Variants in ANKS1B observed in about 807,000 individuals in gnomAD.
ANKS1B encodes the protein ankyrin repeat and sterile alpha motif domain-containing protein 1B.
Under a neutral mutation model 148.3 loss-of-function variants are expected in ANKS1B, and 36 were observed. That is an observed-to-expected ratio of 0.24 (90% CI 0.19 to 0.32). The LOEUF is 0.32. Among genes scored for constraint, ANKS1B ranks in the 10% least tolerant of loss-of-function variants. The probability of loss-of-function intolerance (pLI) is 1.00; values close to 1 mark genes in which losing one functional copy is unlikely to be tolerated. For missense variants in ANKS1B, 1,157 were observed against 1,542.6 expected (o/e 0.75, Z 4.19); for synonymous variants, 542 against 560.8 (o/e 0.97, Z 0.47).
chr12:99,813,025 T>C (rs1390920953), intron 2 of ANKS1B, among the ~76,000 whole-genome samples: 2 of 151,774 alleles, frequency 1.3e-5, no homozygotes, highest in Admixed American at 6.6e-5. Flanking sequence ...TGAGTATTCC[T>C]TGTTCCTACT....
chr12:99,131,098 C>T (rs1189821015), intron 15 of ANKS1B, among the ~76,000 whole-genome samples: 1 of 152,136 alleles, frequency 6.6e-6, no homozygotes, highest in East Asian at 1.9e-4. Flanking sequence ...GTCTGTAGCT[C>T]CAGAAAACCA....
chr12:99,545,780 T>TTA (rs35241137), intron 9 of ANKS1B, among the ~76,000 whole-genome samples: 2,412 of 146,288 alleles, frequency 0.016, 27 homozygotes, highest in Non-Finnish European at 0.024. Flanking sequence ...CATATATAAA[T>TTA]TATATATATA....
chr12:99,359,670 C>A (rs895785194), intron 12 of ANKS1B, among the ~76,000 whole-genome samples: 4 of 151,972 alleles, frequency 2.6e-5, no homozygotes, highest in African/African-American at 9.7e-5. Flanking sequence ...CCTCGTGTAA[C>A]GGGGAATGCA....
At chr12:99,423,890 T>C (rs1757098683) in intron 11 of ANKS1B, among the ~76,000 whole-genome samples, 2 of 152,226 alleles carry the variant, frequency 1.3e-5, no homozygotes, top group South Asian at 4.2e-4. Flanking sequence ...TAATGGGTAC[T>C]AGGCTTAACC....
intron 15 of ANKS1B, among the ~76,000 whole-genome samples, chr12:99,098,619 C>CTTTTTTTTTTTTTTTTTTTTTTTT (rs71081896): frequency 3.1e-5 from 1 of 32,120 alleles, no homozygotes; most frequent in African/African-American, 1.1e-4. Context: ...CTAGGAACTA[C>CTTTTTTTTTTTTTTTTTTTTTTTT]TTTTTTTTTT....
At chr12:99,659,387 T>C (rs1050636039) in intron 8 of ANKS1B, among the ~76,000 whole-genome samples, 5 of 129,850 alleles carry the variant, frequency 3.9e-5, no homozygotes, top group Non-Finnish European at 7.9e-5. Flanking sequence ...TCCAGAAAGA[T>C]GTGAAAATTC....
chr12:99,533,632 C>T (rs2153097908), intron 9 of ANKS1B, among the ~76,000 whole-genome samples: 1 of 152,268 alleles, frequency 6.6e-6, no homozygotes, highest in Non-Finnish European at 1.5e-5. Flanking sequence ...AGAATGCTTT[C>T]AACTTTTCCC....
chr12:98,735,558 T>TATCA (rs748647427), exon 10 of ANKS1B: 11 of 768,810 alleles, frequency 1.4e-5, no homozygotes, highest in South Asian at 4.1e-5. Flanking sequence ...AATTCAATTC[T>TATCA]ATCAAAATTT....
chr12:98,776,889 T>C (rs1202341924), intron 24 of ANKS1B, among the ~76,000 whole-genome samples: 3 of 151,954 alleles, frequency 2.0e-5, no homozygotes, highest in African/African-American at 4.8e-5. Context: ...GAGTATTTGC[T>C]ATAAAAAAAA....
chr12:99,292,943 C>T (rs940165141), intron 12 of ANKS1B, among the ~76,000 whole-genome samples: 10 of 152,080 alleles, frequency 6.6e-5, no homozygotes, highest in Non-Finnish European at 1.2e-4. Context: ...GACAGCGTGG[C>T]GATTCCTCAA....
intron 17 of ANKS1B, among the ~76,000 whole-genome samples, chr12:98,850,581 C>T (rs2099518448): frequency 6.7e-6 from 1 of 149,680 alleles, no homozygotes; most frequent in Admixed American, 6.7e-5. Flanking sequence ...CATTCTCCTG[C>T]CTCAGCCTTC....
chr12:99,642,505 G>A (rs2098319378), intron 9 of ANKS1B, among the ~76,000 whole-genome samples: 1 of 152,168 alleles, frequency 6.6e-6, no homozygotes, highest in Non-Finnish European at 1.5e-5. Flanking sequence ...AGCAGGGCTG[G>A]TTACTTCTGG....
chr12:99,070,783 G>C (rs10860387), intron 16 of ANKS1B, among the ~76,000 whole-genome samples: 99,998 of 152,032 alleles, frequency 0.66, 33,146 homozygotes, highest in East Asian at 0.89. Flanking sequence ...CTTAAGCAAA[G>C]CTCCTGAGTA....
At chr12:99,745,299 C>T (rs1056063928) in intron 8 of ANKS1B, among the ~76,000 whole-genome samples, 2 of 152,102 alleles carry the variant, frequency 1.3e-5, no homozygotes, top group Non-Finnish European at 2.9e-5. Flanking sequence ...GATGTTGCAA[C>T]ATAACAAACT....
intron 15 of ANKS1B, among the ~76,000 whole-genome samples, chr12:99,134,665 A>T (rs879670636): frequency 0.019 from 2,824 of 146,304 alleles, 99 homozygotes; most frequent in African/African-American, 0.06. Flanking sequence ...ACACACACAC[A>T]CACACACACA....
chr12:99,159,526 G>A (rs1349934269), intron 14 of ANKS1B, among the ~76,000 whole-genome samples: 1 of 152,080 alleles, frequency 6.6e-6, no homozygotes, highest in African/African-American at 2.4e-5. Context: ...ATGGTCTCCA[G>A]CTGCATCTAT....
intron 17 of ANKS1B, among the ~76,000 whole-genome samples, chr12:99,027,742 C>T (rs921601922): frequency 2.6e-5 from 4 of 152,182 alleles, no homozygotes; most frequent in East Asian, 1.9e-4. Flanking sequence ...CTTGCATTGA[C>T]GTTGGGCAAT....
At position 99,766,098 on chromosome 12, in the gene ANKS1B, C is replaced by T. The variant is rs143976748; in HGVS notation, c.1128+6824G>A. Among the ~76,000 whole-genome samples, 796 of 152,280 alleles carry T rather than the reference C, an allele frequency of 5.2e-3. 8 individuals carry two copies. The highest frequency in any genetic ancestry group is 0.018 in the African/African-American group (751 of 41,558). ...GAATTCATCTCCAAATAATTAAATG[C>T]ATTTTGCAATGATAATGGTTCATTT... is the stretch of plus-strand genomic sequence containing the variant. On this transcript the variant is annotated intron_variant, in intron 8 of 26. Coordinates refer to ENST00000683438, the MANE Select transcript of ANKS1B (RefSeq NM_001352186.2).
rs1595476759 is a variant in ANKS1B at position 99,471,453 on chromosome 12, T to C, written c.1439-27644A>G. Among the ~76,000 whole-genome samples, 5 of 152,210 alleles carry C rather than the reference T, an allele frequency of 3.3e-5. 1 individual carries two copies. Among genetic ancestry groups the C allele is most frequent in the Admixed American group, 3.3e-4 (5 of 15,240 alleles). ...ATGTGTTATAAGTTTTGTGTACATC[T>C]TAAGGGACCTCTTTCACAAGCAACC... On this transcript the variant is annotated intron_variant, in intron 10 of 26. Transcript: ENST00000683438.
Sources: gnomAD v4.1 joint callset for allele counts (sites outside exome capture counted in the v4.1 genomes callset) on GRCh38, gnomAD v4.1.1 for gene constraint, MANE v1.5 for transcripts, NCBI Gene and HGNC (gene_info 2026-07-23, HGNC 2026-07-21) for gene names.